VPS53: variants seen among roughly 807,000 people sequenced by gnomAD.
VPS53 encodes the protein VPS53 subunit of GARP complex.
In VPS53, 70 loss-of-function variants were observed where a neutral mutation model predicts 107.0. The ratio of observed to expected loss-of-function variants is 0.65; its 90% CI spans 0.54 to 0.80. VPS53 has a LOEUF of 0.80. VPS53 is among the 30% of genes least tolerant of loss of function. VPS53 has a pLI of 0.00. For synonymous variants in VPS53, 409 were observed against 393.3 expected, an observed-to-expected ratio of 1.04 and a Z score of -0.47; for missense variants, 917 against 1,049.4, an observed-to-expected ratio of 0.87 and a Z score of 1.74.
chr17:708,681 T>G lies in VPS53; in HGVS notation c.168+1852A>C, dbSNP rs547262598. ...AAGTAACGGGTGCCTTCCCAGGCAC[T>G]GGCACTACCGCAAGACCAAGGTGCC... On this transcript the variant is annotated intron_variant, in intron 2 of 21. Coordinates refer to ENST00000437048, the MANE Select transcript of VPS53 (RefSeq NM_001128159.3). Among the ~76,000 whole-genome samples the G allele has an allele frequency of 4.6e-5, 7 of 152,278 alleles. No individual in the cohort carries two copies. The South Asian group carries it at 1.0e-3, about 23-fold the overall frequency.
chr17:591,111 G>C (rs1018104360), intron 12 of VPS53, among the ~76,000 whole-genome samples: 1 of 152,212 alleles, frequency 6.6e-6, no homozygotes, highest in African/African-American at 2.4e-5. Flanking sequence ...TTTTGGGAGA[G>C]TGTATGTGTC....
At chr17:695,431 C>G (rs1268042708) in intron 4 of VPS53, among the ~76,000 whole-genome samples, 1 of 152,140 alleles carries the variant, frequency 6.6e-6, no homozygotes, top group Non-Finnish European at 1.5e-5. Flanking sequence ...AGTCTGTAAG[C>G]ACAGGTCCAG....
chr17:591,706 T>C (rs1448596345), intron 12 of VPS53, among the ~76,000 whole-genome samples: 1 of 152,234 alleles, frequency 6.6e-6, no homozygotes, highest in African/African-American at 2.4e-5. Flanking sequence ...AGATTCTTAA[T>C]CCAGAGTTCT....
At chr17:673,458 ACT>A (rs1445424831) in intron 4 of VPS53, among the ~76,000 whole-genome samples, 1 of 152,234 alleles carries the variant, frequency 6.6e-6, no homozygotes, top group East Asian at 1.9e-4. Context: ...AGGCTGCGGG[ACT>A]CTCACACACC....
chr17:678,717 C>A (rs1972263873), intron 4 of VPS53, among the ~76,000 whole-genome samples: 4 of 151,892 alleles, frequency 2.6e-5, no homozygotes, highest in Admixed American at 2.6e-4. Context: ...CGGCTCACTG[C>A]AAGCTCCACC....
intron 8 of VPS53, among the ~76,000 whole-genome samples, chr17:630,991 G>A (rs943393825): frequency 2.0e-5 from 3 of 152,174 alleles, no homozygotes; most frequent in African/African-American, 7.2e-5. Context: ...CTTGTTACAT[G>A]AGAAGTGCAA....
At chr17:568,377 GACTAC>G (rs1209111916) in intron 13 of VPS53, among the ~76,000 whole-genome samples, 1 of 151,908 alleles carries the variant, frequency 6.6e-6, no homozygotes, top group African/African-American at 2.4e-5. Context: ...GAGTAGCTGG[GACTAC>G]AGGTGCACAC....
chr17:697,380 A>G, intron 4 of VPS53, 38 bp downstream of exon 4: 2 of 1,568,826 alleles, frequency 1.3e-6, no homozygotes, highest in Non-Finnish European at 1.8e-6. Flanking sequence ...GGGAGAAACC[A>G]GGGGAGCATA....
chr17:567,645 C>T (rs1251222081), intron 13 of VPS53, among the ~76,000 whole-genome samples: 1 of 151,826 alleles, frequency 6.6e-6, no homozygotes, highest in African/African-American at 2.4e-5. Flanking sequence ...GGACTACAGG[C>T]GTCCATCACC....
chr17:687,660 C>T (rs550738178), intron 4 of VPS53, among the ~76,000 whole-genome samples: 3 of 152,136 alleles, frequency 2.0e-5, no homozygotes, highest in Non-Finnish European at 2.9e-5. Context: ...ATCACTTGAG[C>T]CCACGAGGTT....
intron 7 of VPS53, among the ~76,000 whole-genome samples, chr17:652,005 ATTT>A (rs397967122): frequency 2.1e-5 from 3 of 142,204 alleles, no homozygotes; most frequent in Non-Finnish European, 4.6e-5. Context: ...GGTTCACTGT[ATTT>A]TTTTTTTTTT....
At chr17:590,072 C>T (rs1241563394) in intron 12 of VPS53, among the ~76,000 whole-genome samples, 1 of 152,200 alleles carries the variant, frequency 6.6e-6, no homozygotes, top group Non-Finnish European at 1.5e-5. Context: ...GTTCGTAGTT[C>T]TCCTTGAAGA....
intron 12 of VPS53, among the ~76,000 whole-genome samples, chr17:595,323 C>G (rs1325226347): frequency 1.7e-4 from 8 of 47,068 alleles, no homozygotes; most frequent in African/African-American, 3.7e-4. Flanking sequence ...CTCTAGTGTC[C>G]CCCTGGAGGA....
At chr17:568,489 C>T (rs1267385746) in intron 13 of VPS53, among the ~76,000 whole-genome samples, 1 of 152,152 alleles carries the variant, frequency 6.6e-6, no homozygotes, top group African/African-American at 2.4e-5. Context: ...TCAAGCCATC[C>T]ACCTGCCTCA....
chr17:553,519 T>A (rs1448310426), intron 15 of VPS53, 57 bp from the exon 16 acceptor site: 8 of 1,283,800 alleles, frequency 6.2e-6, no homozygotes, highest in Non-Finnish European at 7.8e-6. Context: ...AGAAGTACCA[T>A]CACAATAATA....
chr17:624,939 C>G (rs1969627331), intron 10 of VPS53, among the ~76,000 whole-genome samples: 1 of 131,316 alleles, frequency 7.6e-6, no homozygotes, highest in Admixed American at 7.7e-5. Context: ...CACTCGCCCT[C>G]CCTCCCTCCC....
At chr17:701,655 T>G (rs909786336) in intron 2 of VPS53, among the ~76,000 whole-genome samples, 1 of 151,414 alleles carries the variant, frequency 6.6e-6, no homozygotes, top group East Asian at 2.0e-4. Flanking sequence ...GGATTACAGG[T>G]ATGAGCCACC....
At chr17:535,745 C>T (rs570195279) in intron 18 of VPS53, among the ~76,000 whole-genome samples, 17 of 152,292 alleles carry the variant, frequency 1.1e-4, no homozygotes, top group Non-Finnish European at 2.1e-4. Flanking sequence ...AATTTCACCT[C>T]CTGGTCCATC....
At chr17:560,030 C>T (rs532196621) in intron 15 of VPS53, among the ~76,000 whole-genome samples, 1 of 152,344 alleles carries the variant, frequency 6.6e-6, no homozygotes, top group Admixed American at 6.5e-5. Flanking sequence ...TTCTGCTTAA[C>T]TTAGTAACAC....
Sources: gnomAD v4.1 joint callset for allele counts (sites outside exome capture counted in the v4.1 genomes callset) on GRCh38, gnomAD v4.1.1 for gene constraint, MANE v1.5 for transcripts, NCBI Gene and HGNC (gene_info 2026-07-23, HGNC 2026-07-21) for gene names.